Variants in NDST3 observed in about 807,000 individuals in gnomAD.
The protein encoded by NDST3 is N-deacetylase and N-sulfotransferase 3.
In NDST3, 58 loss-of-function variants were observed where a neutral mutation model predicts 96.1. The observed-to-expected ratio is 0.60, with a 90% CI of 0.49 to 0.75. The LOEUF (loss-of-function observed/expected upper bound fraction) is 0.75. Ranked by LOEUF, NDST3 falls within the 30% of genes least tolerant of loss-of-function variation. The probability of loss-of-function intolerance (pLI) is 0.00; values close to 1 mark genes in which losing one functional copy is unlikely to be tolerated. For missense variants in NDST3, 788 were observed against 1,034.2 expected (o/e 0.76, Z 3.27); for synonymous variants, 333 against 359.7 (o/e 0.93, Z 0.84).
chr4:118,136,149 T>C (rs1392363810), intron 4 of NDST3, among the ~76,000 whole-genome samples: 1 of 152,190 alleles, frequency 6.6e-6, no homozygotes, highest in Non-Finnish European at 1.5e-5. Context: ...CTCTTGTCAT[T>C]GTGTATTTCT....
chr4:118,223,972 C>G (rs1353344988), intron 6 of NDST3, among the ~76,000 whole-genome samples: 1 of 152,112 alleles, frequency 6.6e-6, no homozygotes, highest in Non-Finnish European at 1.5e-5. Context: ...TGCAGTCTAA[C>G]CTGCAGAGTT....
intron 8 of NDST3, among the ~76,000 whole-genome samples, chr4:118,232,255 C>T (rs1003710431): frequency 3.3e-5 from 5 of 151,738 alleles, no homozygotes; most frequent in East Asian, 1.9e-4. Context: ...GCCTTATTAC[C>T]GTCAAAATGT....
At chr4:118,154,418 C>T (rs906733263) in intron 6 of NDST3, among the ~76,000 whole-genome samples, 1 of 152,136 alleles carries the variant, frequency 6.6e-6, no homozygotes, top group African/African-American at 2.4e-5. Flanking sequence ...TAATGATTGA[C>T]TAAACGCATG....
At chr4:118,149,904 G>T (rs1288053565) in intron 6 of NDST3, among the ~76,000 whole-genome samples, 3 of 151,682 alleles carry the variant, frequency 2.0e-5, no homozygotes, top group African/African-American at 7.3e-5. Flanking sequence ...GTCATAGATA[G>T]CTCTTATTAT....
At chr4:118,146,250 C>A (rs551943132) in intron 6 of NDST3, among the ~76,000 whole-genome samples, 10 of 152,214 alleles carry the variant, frequency 6.6e-5, no homozygotes, top group Non-Finnish European at 1.3e-4. Context: ...TGAAAGATAG[C>A]CATTGTAAGT....
intron 9 of NDST3, among the ~76,000 whole-genome samples, chr4:118,236,383 G>A (rs1431718041): frequency 6.6e-6 from 1 of 152,160 alleles, no homozygotes; most frequent in Non-Finnish European, 1.5e-5. Context: ...CTCTACCCAT[G>A]AGGATATAGA....
At chr4:118,081,599 C>A (rs1185661064) in intron 2 of NDST3, among the ~76,000 whole-genome samples, 1 of 152,134 alleles carries the variant, frequency 6.6e-6, no homozygotes, top group African/African-American at 2.4e-5. Flanking sequence ...GACTTAGCAG[C>A]ATCCAGAGGC....
intron 6 of NDST3, among the ~76,000 whole-genome samples, chr4:118,185,996 GA>G (rs1413094513): frequency 6.6e-6 from 1 of 152,088 alleles, no homozygotes; most frequent in Non-Finnish European, 1.5e-5. Flanking sequence ...ATTTGGTCTT[GA>G]AACCCAGTGG....
At chr4:118,230,905 T>C (rs942274152) in intron 8 of NDST3, among the ~76,000 whole-genome samples, 2 of 152,234 alleles carry the variant, frequency 1.3e-5, no homozygotes, top group South Asian at 2.1e-4. Context: ...TTCTATTGTA[T>C]AGATATGGTA....
chr4:118,091,739 TCAC>T (rs1464192392), intron 2 of NDST3, among the ~76,000 whole-genome samples: 3 of 151,810 alleles, frequency 2.0e-5, no homozygotes, highest in East Asian at 3.9e-4. Context: ...TGCCCCACTA[TCAC>T]CACCACATCT....
At chr4:118,245,462 G>T (rs1167769864) in intron 12 of NDST3, among the ~76,000 whole-genome samples, 1 of 152,158 alleles carries the variant, frequency 6.6e-6, no homozygotes, top group Admixed American at 6.5e-5. Flanking sequence ...GCTAAGTCAC[G>T]AAGGACTGAA....
intron 4 of NDST3, among the ~76,000 whole-genome samples, chr4:118,118,777 A>G (rs4318721): frequency 0.51 from 78,046 of 151,940 alleles, 24,114 homozygotes; most frequent in East Asian, 0.74. Context: ...TCTGAGACAA[A>G]GATTAAATGT....
intron 8 of NDST3, among the ~76,000 whole-genome samples, chr4:118,228,927 T>A (rs1213071473): frequency 6.6e-6 from 1 of 152,266 alleles, no homozygotes; most frequent in South Asian, 2.1e-4. Flanking sequence ...TTTGTGAAAT[T>A]GATTTTTTAA....
At chr4:118,104,535 C>A (rs934587091) in intron 2 of NDST3, among the ~76,000 whole-genome samples, 1 of 152,088 alleles carries the variant, frequency 6.6e-6, no homozygotes, top group Non-Finnish European at 1.5e-5. Flanking sequence ...TATGATATCT[C>A]ATTTTGAACA....
chr4:118,160,153 G>A (rs1053934630), intron 6 of NDST3, among the ~76,000 whole-genome samples: 4 of 152,038 alleles, frequency 2.6e-5, no homozygotes, highest in Admixed American at 6.6e-5. Context: ...GATGTTAAAA[G>A]CAGAAAAAGA....
At chr4:118,203,566 A>C (rs1738236829) in intron 6 of NDST3, among the ~76,000 whole-genome samples, 1 of 152,154 alleles carries the variant, frequency 6.6e-6, no homozygotes, top group Admixed American at 6.5e-5. Context: ...GAATTTACCT[A>C]CTTCCTCTAG....
chr4:118,100,038 G>C (rs527668436), intron 2 of NDST3, among the ~76,000 whole-genome samples: 1 of 152,022 alleles, frequency 6.6e-6, no homozygotes, highest in African/African-American at 2.4e-5. Context: ...ATGTGTGAAC[G>C]TAACTAAGCT....
chr4:118,081,213 T>C (rs1344337523), intron 2 of NDST3, among the ~76,000 whole-genome samples: 1 of 152,192 alleles, frequency 6.6e-6, no homozygotes, highest in African/African-American at 2.4e-5. Flanking sequence ...AGAAGAACCC[T>C]AAAGTTCGAG....
In NDST3 at chr4:118,248,122, G is replaced by A. The variant is rs561186132; in HGVS notation, c.2400-5377G>A. 4.6e-5 allele frequency among the ~76,000 whole-genome samples: 7 copies of A among 152,202 alleles called. No homozygotes were observed. In the South Asian group the frequency reaches 6.2e-4, roughly 14 times the overall value. On this transcript the variant is annotated intron_variant, in intron 12 of 13. Coordinates refer to ENST00000296499, the MANE Select transcript of NDST3 (RefSeq NM_004784.3). ...TCCTAACACTTTAAGAGGCCGAGGC[G>A]GGTGGATCACCTGAGGTCAGGAGTT...
Sources: gnomAD v4.1 joint callset for allele counts (sites outside exome capture counted in the v4.1 genomes callset) on GRCh38, gnomAD v4.1.1 for gene constraint, MANE v1.5 for transcripts, NCBI Gene and HGNC (gene_info 2026-07-23, HGNC 2026-07-21) for gene names.